Variants in IFT140 observed in about 807,000 individuals in gnomAD.
The protein encoded by IFT140 is intraflagellar transport protein 140 homolog.
IFT140 carries 133 observed loss-of-function variants against 164.6 expected under a neutral mutation model. The observed-to-expected ratio is 0.81, with a 90% CI of 0.70 to 0.93. The LOEUF (loss-of-function observed/expected upper bound fraction) is 0.93, where lower values mean the gene tolerates loss of function less well. Among genes scored for constraint, IFT140 ranks in the 40% least tolerant of loss-of-function variants. The pLI is 0.00. For synonymous variants in IFT140, 860 were observed against 817.3 expected, an observed-to-expected ratio of 1.05 and a Z score of -0.89; for missense variants, 2,045 against 1,972.3, an observed-to-expected ratio of 1.04 and a Z score of -0.70.
At chr16:1,587,533 G>A (rs1178752874) in intron 8 of IFT140, among the ~76,000 whole-genome samples, 1 of 152,224 alleles carries the variant, frequency 6.6e-6, no homozygotes, top group Non-Finnish European at 1.5e-5. Context: ...GCAGGAGGTC[G>A]CCAAGAGAAC....
chr16:1,594,798 G>T lies in IFT140; in HGVS notation c.370-2210C>A, dbSNP rs552580977. Among the ~76,000 whole-genome samples, 4 of 152,310 alleles carry T rather than the reference G, an allele frequency of 2.6e-5. No homozygotes were observed. In the East Asian group the frequency reaches 7.7e-4, roughly 29 times the overall value. ...AGCATCTCAGTCTGAGTCCGTGTGC[G>T]TGGCTCTTCCGCTCAGACGCCAAGC... On this transcript the variant is annotated intron_variant, in intron 4 of 30. Transcript: ENST00000426508.
At chr16:1,523,234 A>AG (rs1386981021) in intron 26 of IFT140, among the ~76,000 whole-genome samples, 2 of 151,544 alleles carry the variant, frequency 1.3e-5, no homozygotes, top group African/African-American at 4.9e-5. Flanking sequence ...AAAAAAAAAA[A>AG]AGGCTAAGAT....
chr16:1,510,459 A>G lies in IFT140; in HGVS notation c.*485T>C. ...AAATAAACTGCTTTATTGGAATTAC[A>G]GGAGTGTTGGTGGCCGGTGGGCAGA... On this transcript the variant is annotated 3_prime_UTR_variant, in exon 31 of 31. Coordinates refer to ENST00000426508, the MANE Select transcript of IFT140 (RefSeq NM_014714.4). 1 of 228,210 alleles carries G rather than the reference A, an allele frequency of 4.4e-6. No individual in the cohort carries two copies. 14.1% of individuals were successfully genotyped at this position (228,210 alleles called of 1,614,324 possible).
At chr16:1,602,107 GA>G (rs1036416164) in intron 4 of IFT140, among the ~76,000 whole-genome samples, 1 of 152,252 alleles carries the variant, frequency 6.6e-6, no homozygotes, top group Non-Finnish European at 1.5e-5. Flanking sequence ...CAGGCCTAGG[GA>G]AAAGTGACAG....
At chr16:1,543,008 C>T (rs560100181) in intron 19 of IFT140, among the ~76,000 whole-genome samples, 1 of 152,378 alleles carries the variant, frequency 6.6e-6, no homozygotes, top group East Asian at 1.9e-4. Flanking sequence ...CCAGCGACCC[C>T]AGGGGGCTCT....
At position 1,583,420 on chromosome 16, in the gene IFT140, C is replaced by T. The variant is rs373595674; in HGVS notation, c.1360-34G>A. 51 of 1,599,900 alleles carry T rather than the reference C, an allele frequency of 3.2e-5. No homozygotes were observed. In the African/African-American group the frequency reaches 4.7e-4, roughly 15 times the overall value. The stretch of plus-strand genomic sequence containing the variant: ...AACCACGGACATTCGAGGCAAAGGG[C>T]GGGAAAAGTGAGGTGCAACTGTACA... On this transcript the variant is annotated intron_variant, in intron 11 of 30. Coordinates refer to ENST00000426508, the MANE Select transcript of IFT140 (RefSeq NM_014714.4).
chr16:1,526,363 C>T, intron 20 of IFT140: 2 of 587,976 alleles, frequency 3.4e-6, no homozygotes, highest in Non-Finnish European at 6.0e-6. Context: ...CCCTGCTGAC[C>T]TGGGGGTCTC....
intron 13 of IFT140, among the ~76,000 whole-genome samples, chr16:1,575,445 C>T (rs181569648): frequency 3.9e-4 from 60 of 152,002 alleles, no homozygotes; most frequent in African/African-American, 1.4e-3. Flanking sequence ...GTCCCACGCT[C>T]AGGAGGCTGA....
chr16:1,544,329 G>T (rs1337595381), intron 19 of IFT140, among the ~76,000 whole-genome samples: 3 of 150,898 alleles, frequency 2.0e-5, no homozygotes, highest in Non-Finnish European at 3.0e-5. Flanking sequence ...GACTACAGGC[G>T]CCCGCCACCA....
intron 19 of IFT140, among the ~76,000 whole-genome samples, chr16:1,546,037 C>G (rs896138312): frequency 9.2e-5 from 14 of 152,242 alleles, no homozygotes; most frequent in Admixed American, 9.2e-4. Flanking sequence ...AGCTTCTCCC[C>G]TCTCCTCCTC....
At position 1,553,575 on chromosome 16, in the gene IFT140, G is replaced by A. The variant is rs2281236; in HGVS notation, c.2399+4360C>T. 339,387 of 1,016,652 alleles carry A rather than the reference G, an allele frequency of 0.33. 60,664 individuals are homozygous for A. Among genetic ancestry groups the A allele is most frequent in the African/African-American group, 0.63 (36,832 of 58,446 alleles). 63.0% of individuals were successfully genotyped at this position (1,016,652 alleles called of 1,614,324 possible). On this transcript the variant is annotated intron_variant, in intron 19 of 30. Coordinates refer to ENST00000426508, the MANE Select transcript of IFT140 (RefSeq NM_014714.4). This position sits in a 1 kb window ranked among gnomAD's most constrained non-coding sequence, Gnocchi z 4.4. ...GCTGGAGAGTTTAATCTGGACCAGT[G>A]TAAGTTACAGAGAGTCTCTGGCACT...
rs373868663 is a variant in IFT140 at position 1,524,778 on chromosome 16, C to A, written c.2997+6G>T. On this transcript the variant is annotated splice_donor_region_variant and intron_variant, in intron 23 of 30. Transcript: ENST00000426508. Reference sequence around the variant, plus strand: ...CGCCTGGCCGGCTCCCCTGCGGGGACCTTACCTTCTGGACATTGCCCTGGA... The same window carrying A: ...CGCCTGGCCGGCTCCCCTGCGGGGAACTTACCTTCTGGACATTGCCCTGGA... The A allele has an allele frequency of 3.2e-5, 52 of 1,603,222 alleles. No individual in the cohort carries two copies. The highest frequency in any genetic ancestry group is 4.2e-5 in the Non-Finnish European group (49 of 1,171,452).
rs373651150 is a variant in IFT140, at chr16:1,525,278, C to T, written c.2817G>A (p.Ser939=). 4.8e-5 allele frequency: 78 copies of T among 1,612,868 alleles called. No individual in the cohort carries two copies. The highest frequency in any genetic ancestry group is 6.7e-5 in the African/African-American group (5 of 74,936). ...THRFEVPRML[S]EDLPSLELYV... ...AGAGCTCCAGGGACGGCAGGTCCTC[C>T]GACAGCATCCTGGGCACCTCGAAGC... The change falls in exon 22 of 31, where the codon TCG becomes TCA. Residue 939 remains serine (S), a synonymous_variant. Coordinates refer to ENST00000426508, the MANE Select transcript of IFT140 (RefSeq NM_014714.4).
intron 13 of IFT140, among the ~76,000 whole-genome samples, chr16:1,573,531 G>C (rs904356053): frequency 6.6e-6 from 1 of 152,050 alleles, no homozygotes; most frequent in Non-Finnish European, 1.5e-5. Context: ...CCACGAACTC[G>C]AACTTGCATC....
intron 21 of IFT140, 61 bp downstream of exon 21, chr16:1,525,826 A>G: frequency 7.0e-7 from 1 of 1,425,324 alleles, no homozygotes; most frequent in Non-Finnish European, 9.3e-7. Flanking sequence ...CACACACAAG[A>G]GGCCTCACAA....
intron 30 of IFT140, among the ~76,000 whole-genome samples, chr16:1,517,109 G>T (rs145939058): frequency 0.012 from 1,801 of 152,262 alleles, 42 homozygotes; most frequent in African/African-American, 0.041. Flanking sequence ...GGTGGCTCAC[G>T]CCTGTAATCC....
intron 30 of IFT140, among the ~76,000 whole-genome samples, chr16:1,515,451 G>C (rs1284114473): frequency 1.3e-5 from 2 of 152,176 alleles, no homozygotes; most frequent in Non-Finnish European, 2.9e-5. Context: ...TTGTCACCCA[G>C]GCTGGAGTGC....
rs763362512 is a variant in IFT140, at chr16:1,564,068, C to T, written c.1996G>A (p.Val666Met). The T allele has an allele frequency of 1.1e-5, 17 of 1,604,440 alleles. No individual in the cohort carries two copies. The highest frequency in any genetic ancestry group is 9.0e-5 in the East Asian group (4 of 44,452). Residue 666 changes from valine (V) to methionine (M), a missense_variant, in exon 17 of 31, where the codon GTG (valine) becomes ATG (methionine). By Grantham distance (21) the Val-to-Met change is conservative. Transcript: ENST00000426508. This position sits in a 1 kb window ranked among gnomAD's most constrained non-coding sequence, Gnocchi z 5.5. ...GGCTGGGAGCGCGGCGTCTCCTGCA[C>T]GGCTTCGCATACAAACAGCCGGGGC... ...SEPRLFVCEA[V>M]QETPRSQPQS...
intron 14 of IFT140, among the ~76,000 whole-genome samples, chr16:1,569,114 C>T (rs1938697290): frequency 1.3e-5 from 2 of 151,678 alleles, no homozygotes; most frequent in African/African-American, 2.4e-5. Flanking sequence ...ACGCCATTCT[C>T]CTGCCTCAGC....
Sources: gnomAD v4.1 joint callset for allele counts (sites outside exome capture counted in the v4.1 genomes callset) on GRCh38, gnomAD v4.1.1 for gene constraint, Gnocchi (gnomAD v3.1) non-coding constraint, MANE v1.5 for transcripts, NCBI Gene and HGNC (gene_info 2026-07-23, HGNC 2026-07-21) for gene names.